The following ZFP69B variants were observed in gnomAD, a reference collection of about 807,000 sequenced individuals.
ZFP69B encodes the protein zinc finger protein 69 homolog B.
A neutral mutation model predicts 19.7 loss-of-function variants in ZFP69B; 20 were observed. That is an observed-to-expected ratio of 1.02 (90% CI 0.71 to 1.48). The LOEUF (loss-of-function observed/expected upper bound fraction) is 1.48, where lower values mean the gene tolerates loss of function less well. Among genes scored for constraint, ZFP69B ranks in the 40% most tolerant of loss-of-function variants. The probability of loss-of-function intolerance (pLI) is 0.00; values close to 1 mark genes in which losing one functional copy is unlikely to be tolerated. For synonymous variants in ZFP69B, 220 were observed against 222.7 expected (o/e 0.99, Z 0.11); for missense variants, 583 against 632.6 (o/e 0.92, Z 0.84).
At position 40,450,903 on chromosome 1, in the gene ZFP69B, G is replaced by C. The variant is rs1645179490; in HGVS notation, c.-59G>C. On this transcript the variant is annotated 5_prime_UTR_variant, in exon 1 of 5. Coordinates refer to ENST00000361584, the MANE Select transcript of ZFP69B (RefSeq NM_023070.3). ...AGCTTCCAGCAATTTCCTCATCAGA[G>C]GTGGACAAGCCCTATGGGCTAAGAC... 3.5e-6 allele frequency: 5 copies of C among 1,445,358 alleles called. No homozygotes were observed. Among genetic ancestry groups the C allele is most frequent in the Middle Eastern group, 2.4e-4 (1 of 4,092 alleles). The allele number at this position is 1,445,358 out of a possible 1,614,324, so 89.5% of individuals were successfully genotyped here. A position where few individuals can be genotyped will look rare whatever the true frequency, so the allele number is the denominator to read the frequency against.
chr1:40,455,964 C>G (rs1320234315), intron 2 of ZFP69B, among the ~76,000 whole-genome samples: 1 of 152,180 alleles, frequency 6.6e-6, no homozygotes, highest in Non-Finnish European at 1.5e-5. Flanking sequence ...GCATAGTATT[C>G]CATGGTGTAT....
chr1:40,457,549 A>G, intron 4 of ZFP69B, 110 bp downstream of exon 4: 1 of 807,426 alleles, frequency 1.2e-6, no homozygotes, highest in Non-Finnish European at 2.0e-6. Context: ...CATTCAAGAA[A>G]GTTGATTCTG....
At chr1:40,453,090 A>G (rs112977332) in intron 1 of ZFP69B, among the ~76,000 whole-genome samples, 2,036 of 149,778 alleles carry the variant, frequency 0.014, 51 homozygotes, top group African/African-American at 0.048. Flanking sequence ...CCTCCCAAGT[A>G]GCTGGGATTA....
chr1:40,453,472 G>T (rs1645204314), intron 1 of ZFP69B, among the ~76,000 whole-genome samples: 1 of 152,148 alleles, frequency 6.6e-6, no homozygotes. Context: ...CCAAGCTTTT[G>T]GGAAGCATAG....
rs528217889 is a variant in ZFP69B, at chr1:40,461,379, C to T, written c.437-1042C>T. Reference sequence around the variant, plus strand: ...TTTGTTAAAAGTCAGTGCATTCCTACATTATTCAGTGTTTTATTTTAGTGT... The same window carrying T: ...TTTGTTAAAAGTCAGTGCATTCCTATATTATTCAGTGTTTTATTTTAGTGT... On this transcript the variant is annotated intron_variant, in intron 4 of 4. Coordinates refer to ENST00000361584, the MANE Select transcript of ZFP69B (RefSeq NM_023070.3). Among the ~76,000 whole-genome samples the T allele has an allele frequency of 9.9e-5, 15 of 152,130 alleles. No homozygotes were observed. The South Asian group carries it at 3.1e-3, about 32-fold the overall frequency.
chr1:40,459,122 C>T (rs958217604), intron 4 of ZFP69B, among the ~76,000 whole-genome samples: 2 of 152,150 alleles, frequency 1.3e-5, no homozygotes, highest in African/African-American at 2.4e-5. Flanking sequence ...TGTCCAAAAT[C>T]GGGGTGAACA....
intron 1 of ZFP69B, among the ~76,000 whole-genome samples, chr1:40,453,483 G>A (rs1557504046): frequency 1.3e-5 from 2 of 152,136 alleles, no homozygotes; most frequent in Non-Finnish European, 2.9e-5. Context: ...GGAAGCATAG[G>A]AGAGAATAAA....
chr1:40,457,483 ATTCCCCTCAAGGCC>A (rs770264686), intron 4 of ZFP69B, 44 bp downstream of exon 4: 2 of 1,555,346 alleles, frequency 1.3e-6, no homozygotes, highest in Admixed American at 3.4e-5. Context: ...TAGCCAGAGA[ATTCCCCTCAAGGCC>A]TTCTCCAAGT....
intron 1 of ZFP69B, among the ~76,000 whole-genome samples, chr1:40,452,747 A>G (rs896528437): frequency 2.6e-4 from 39 of 152,330 alleles, no homozygotes; most frequent in African/African-American, 9.1e-4. Context: ...TTTAATAAAT[A>G]GTACTGTGGT....
chr1:40,451,768 CTT>C (rs1273830779), intron 1 of ZFP69B, among the ~76,000 whole-genome samples: 2 of 151,988 alleles, frequency 1.3e-5, no homozygotes, highest in African/African-American at 4.8e-5. Flanking sequence ...TTTAGATCCT[CTT>C]CAGTTGGTGA....
chr1:40,453,777 C>T (rs1405073355), intron 1 of ZFP69B, among the ~76,000 whole-genome samples: 1 of 152,144 alleles, frequency 6.6e-6, no homozygotes, highest in African/African-American at 2.4e-5. Context: ...GAGGCTGAGG[C>T]ACGAGAATCT....
chr1:40,454,250 A>G lies in ZFP69B; in HGVS notation c.175A>G (p.Ser59Gly), dbSNP rs1557505017. The G allele has an allele frequency of 6.2e-7, 1 of 1,604,810 alleles. No homozygotes were observed. Among genetic ancestry groups the G allele is most frequent in the Non-Finnish European group, 8.5e-7 (1 of 1,174,784 alleles). ...ADETQGESLE[S>G]RVTLGSLTAE... Reference sequence around the variant, plus strand: ...TGAGACCCAGGGCGAAAGTTTAGAGAGTAGAGTGACCCTTGGATCCCTGAC... The same window carrying G: ...TGAGACCCAGGGCGAAAGTTTAGAGGGTAGAGTGACCCTTGGATCCCTGAC... The change falls in exon 2 of 5, where the codon AGT becomes GGT. Residue 59 changes from serine (S) to glycine (G), a missense_variant. Physicochemically the swap from Ser to Gly is moderately conservative, Grantham distance 56 (BLOSUM62 0). Transcript: ENST00000361584.
Position 40,463,494 on chromosome 1 carries a change from G to A in ZFP69B, c.1510G>A (p.Asp504Asn), listed in dbSNP as rs1480043309. The A allele has an allele frequency of 1.2e-6, 2 of 1,614,016 alleles. No homozygotes were observed. Among genetic ancestry groups the A allele is most frequent in the African/African-American group, 2.7e-5 (2 of 74,936 alleles). The stretch of plus-strand genomic sequence containing the variant: ...AATTCATACTGGAGAAAAACCTTAT[G>A]ATTGTAATGAGTGTGGAAAAGCCTT... Reference protein sequence around the residue: ...QRIHTGEKPYDCNECGKAFSC... With the variant: ...QRIHTGEKPYNCNECGKAFSC... Residue 504 changes from aspartate to asparagine, a missense_variant, in exon 5 of 5, where the codon GAT becomes AAT. By Grantham distance (23) the Asp-to-Asn change is conservative. Transcript: ENST00000361584.
rs769138196 is a variant in ZFP69B at position 40,457,243 on chromosome 1, TCTG to T, written c.341-98_341-96del. The T allele has an allele frequency of 6.7e-6, 10 of 1,495,174 alleles. No individual in the cohort carries two copies. The Admixed American group carries it at 1.9e-4, about 28-fold the overall frequency. The allele number at this position is 1,495,174 out of a possible 1,614,324, so 92.6% of individuals were successfully genotyped here. A position where few individuals can be genotyped will look rare whatever the true frequency, so the allele number is the denominator to read the frequency against. On this transcript the variant is annotated intron_variant, in intron 3 of 4. Coordinates refer to ENST00000361584, the MANE Select transcript of ZFP69B (RefSeq NM_023070.3). ...TTCTGCTCTGTTCTTTCTACTCTAC[TCTG>T]CTTTCTTTAGAAGGCCCGAATACCA...
intron 4 of ZFP69B, among the ~76,000 whole-genome samples, chr1:40,458,921 A>G (rs1645258521): frequency 6.6e-6 from 1 of 152,178 alleles, no homozygotes; most frequent in African/African-American, 2.4e-5. Context: ...TTTCCTCATC[A>G]TCTGCATTTA....
chr1:40,453,087 A>G (rs12073327), intron 1 of ZFP69B, among the ~76,000 whole-genome samples: 12,917 of 151,328 alleles, frequency 0.085, 724 homozygotes, highest in East Asian at 0.21. Context: ...CAGCCTCCCA[A>G]GTAGCTGGGA....
At chr1:40,459,484 T>G (rs1645262758) in intron 4 of ZFP69B, among the ~76,000 whole-genome samples, 1 of 152,202 alleles carries the variant, frequency 6.6e-6, no homozygotes, top group Admixed American at 6.5e-5. Context: ...GCATGTTTTC[T>G]ACTCTGTTTT....
At chr1:40,458,058 G>T (rs1645250273) in intron 4 of ZFP69B, among the ~76,000 whole-genome samples, 1 of 152,146 alleles carries the variant, frequency 6.6e-6, no homozygotes, top group African/African-American at 2.4e-5. Flanking sequence ...TGGGTTCTCT[G>T]TGAATGATAG....
intron 3 of ZFP69B, 81 bp from the exon 4 acceptor site, chr1:40,457,263 C>T (rs548493436): frequency 8.5e-6 from 13 of 1,526,542 alleles, no homozygotes; most frequent in East Asian, 2.3e-5. Context: ...TTAGAAGGCC[C>T]GAATACCAAA....
Sources: gnomAD v4.1 joint callset for allele counts (sites outside exome capture counted in the v4.1 genomes callset) on GRCh38, gnomAD v4.1.1 for gene constraint, MANE v1.5 for transcripts, NCBI Gene and HGNC (gene_info 2026-07-23, HGNC 2026-07-21) for gene names.